The following TMEM47 variants were observed in gnomAD, a reference collection of about 807,000 sequenced individuals.
TMEM47 encodes transmembrane protein 47, also known as brain cell membrane protein 1.
Under a neutral mutation model 12.4 loss-of-function variants are expected in TMEM47, and 3 were observed. The ratio of observed to expected loss-of-function variants is 0.24; its 90% CI spans 0.11 to 0.63. The LOEUF (loss-of-function observed/expected upper bound fraction) is 0.63. Ranked by LOEUF, TMEM47 falls within the 20% of genes least tolerant of loss-of-function variation. The probability of loss-of-function intolerance (pLI) is 0.86; values close to 1 mark genes in which losing one functional copy is unlikely to be tolerated. For missense variants in TMEM47, 89 were observed against 143.8 expected (o/e 0.62, Z 1.95); for synonymous variants, 62 against 63.3 (o/e 0.98, Z 0.10).
rs1217804641 is a variant in TMEM47, at chrX:34,628,136, G to A, written c.*2177C>T. 9.0e-6 allele frequency: 1 copy of A among 111,545 alleles called. No homozygotes were observed. Among genetic ancestry groups the A allele is most frequent in the Non-Finnish European group, 1.9e-5 (1 of 52,967 alleles). 9.2% of individuals were successfully genotyped at this position (111,545 alleles called of 1,213,427 possible). On this transcript the variant is annotated 3_prime_UTR_variant, in exon 3 of 3. Coordinates refer to ENST00000275954, the MANE Select transcript of TMEM47 (RefSeq NM_031442.4). ...AACAGTACACTGCATCCTCTACTAG[G>A]ACCAAGAGAAGTGCCTCATTGGTGT...
chrX:34,648,640 G>A (rs1440303207), intron 1 of TMEM47, among the ~76,000 whole-genome samples: 1 of 111,720 alleles, frequency 9.0e-6, no homozygotes, highest in Non-Finnish European at 1.9e-5. Context: ...ATAGGAACGG[G>A]CAAAGATTTC....
intron 2 of TMEM47, among the ~76,000 whole-genome samples, chrX:34,631,414 C>T (rs1921623176): frequency 9.0e-6 from 1 of 111,000 alleles, no homozygotes; most frequent in African/African-American, 3.3e-5. Context: ...TGATCCAAAG[C>T]TACTTTCATT....
In TMEM47 at chrX:34,652,966, T is replaced by C. The variant is rs1408065760; in HGVS notation, c.226+3838A>G. 2.7e-5 allele frequency among the ~76,000 whole-genome samples: 3 copies of C among 112,107 alleles called. No individual in the cohort carries two copies. The East Asian group carries it at 8.4e-4, about 31-fold the overall frequency. On this transcript the variant is annotated intron_variant, in intron 1 of 2. Transcript: ENST00000275954. The stretch of plus-strand genomic sequence containing the variant: ...CCCCGGAGCAAATCACATTGTGAGG[T>C]TTCCTAATGAAACTGTGTTTTCGAA...
At chrX:34,654,706 T>C (rs748873684) in intron 1 of TMEM47, among the ~76,000 whole-genome samples, 3 of 112,233 alleles carry the variant, frequency 2.7e-5, no homozygotes, top group South Asian at 7.4e-4. Flanking sequence ...TGCTATTATA[T>C]ATACACAAAG....
At position 34,629,310 on chromosome X, in the gene TMEM47, A is replaced by T. The variant is rs1338959054; in HGVS notation, c.*1003T>A. On this transcript the variant is annotated 3_prime_UTR_variant, in exon 3 of 3. Transcript: ENST00000275954. ...GTGAAACAGTAAAGAACATAGAGCAAAAGCTTTAAGGTACCATACTTTTGT... is the reference window on the plus strand; with the variant it reads ...GTGAAACAGTAAAGAACATAGAGCATAAGCTTTAAGGTACCATACTTTTGT... 2.2e-4 allele frequency: 24 copies of T among 111,472 alleles called. No individual in the cohort carries two copies. The highest frequency in any genetic ancestry group is 7.8e-4 in the African/African-American group (24 of 30,743). The allele number at this position is 111,472 out of a possible 1,213,427, so 9.2% of individuals were successfully genotyped here.
At chrX:34,656,391 CG>C (rs1435421178) in intron 1 of TMEM47, among the ~76,000 whole-genome samples, 5 of 106,965 alleles carry the variant, frequency 4.7e-5, no homozygotes, top group African/African-American at 6.9e-5. Context: ...TGGGGAAGAC[CG>C]AACAGCGAAC....
intron 2 of TMEM47, 55 bp from the exon 3 acceptor site, chrX:34,630,546 T>C: frequency 9.4e-7 from 1 of 1,059,088 alleles, no homozygotes. Context: ...AATAAAATAA[T>C]ATAAATATGT....
intron 1 of TMEM47, among the ~76,000 whole-genome samples, chrX:34,655,130 G>A (rs1490438846): frequency 1.8e-5 from 2 of 111,776 alleles, no homozygotes; most frequent in African/African-American, 6.5e-5. Context: ...AAGAAAAAAG[G>A]GTACTGGCTT....
At chrX:34,656,238 C>T (rs1297434808) in intron 1 of TMEM47, among the ~76,000 whole-genome samples, 2 of 111,940 alleles carry the variant, frequency 1.8e-5, no homozygotes, top group Non-Finnish European at 1.9e-5. Context: ...CTGTCCCTCT[C>T]TCAACTCTTC....
At chrX:34,630,759 A>G (rs1351214097) in intron 2 of TMEM47, among the ~76,000 whole-genome samples, 1 of 110,831 alleles carries the variant, frequency 9.0e-6, no homozygotes, top group Non-Finnish European at 1.9e-5. Context: ...ATAATAATTT[A>G]TATGAGCATA....
chrX:34,632,217 C>T (rs969787790), intron 2 of TMEM47, among the ~76,000 whole-genome samples: 8 of 111,098 alleles, frequency 7.2e-5, no homozygotes, highest in African/African-American at 2.6e-4. Flanking sequence ...TTTAATTCAT[C>T]TGAAAAGAAC....
At chrX:34,630,592 T>C in intron 2 of TMEM47, 101 bp from the exon 3 acceptor site, 1 of 846,541 alleles carries the variant, frequency 1.2e-6, no homozygotes, top group Non-Finnish European at 1.6e-6. Context: ...TGTAATCAAA[T>C]ATACATAAAA....
chrX:34,645,460 C>G (rs965535328), intron 1 of TMEM47, among the ~76,000 whole-genome samples: 1 of 111,981 alleles, frequency 8.9e-6, no homozygotes, highest in African/African-American at 3.2e-5. Context: ...TGTGTAGAAC[C>G]ATAAACTTAG....
intron 1 of TMEM47, among the ~76,000 whole-genome samples, chrX:34,654,864 A>T (rs5927297): frequency 0.24 from 26,276 of 111,126 alleles, 2,657 homozygotes; most frequent in East Asian, 0.63. Context: ...ATAGAAATAT[A>T]CGCTGGGCTA....
chrX:34,649,624 T>C (rs184678901), intron 1 of TMEM47, among the ~76,000 whole-genome samples: 49 of 111,064 alleles, frequency 4.4e-4, no homozygotes, highest in African/African-American at 1.5e-3. Context: ...ACCTGTGTGA[T>C]GAAATAATCT....
chrX:34,646,973 T>C (rs7059184), intron 1 of TMEM47, among the ~76,000 whole-genome samples: 1,498 of 111,613 alleles, frequency 0.013, 24 homozygotes, highest in African/African-American at 0.047. Flanking sequence ...CCCATCATTT[T>C]ATTCTCACTA....
intron 1 of TMEM47, among the ~76,000 whole-genome samples, chrX:34,644,998 C>A (rs1178646091): frequency 8.9e-6 from 1 of 112,048 alleles, no homozygotes; most frequent in African/African-American, 3.2e-5. Context: ...TCTTGAATTA[C>A]AAGTTATATA....
At chrX:34,641,568 G>A (rs987535396) in intron 1 of TMEM47, among the ~76,000 whole-genome samples, 1 of 110,957 alleles carries the variant, frequency 9.0e-6, no homozygotes, top group Non-Finnish European at 1.9e-5. Context: ...GAAAAAAAAT[G>A]CCACACATTT....
intron 2 of TMEM47, among the ~76,000 whole-genome samples, chrX:34,634,067 GA>G (rs932991984): frequency 1.1e-3 from 115 of 104,881 alleles, no homozygotes; most frequent in Middle Eastern, 4.8e-3. Flanking sequence ...GTAGAGGGAA[GA>G]AAAAAAAAAC....
Sources: gnomAD v4.1 joint callset for allele counts (sites outside exome capture counted in the v4.1 genomes callset) on GRCh38, gnomAD v4.1.1 for gene constraint, MANE v1.5 for transcripts, NCBI Gene and HGNC (gene_info 2026-07-23, HGNC 2026-07-21) for gene names.